Variants in LRRC1 observed in about 807,000 individuals in gnomAD.
The protein encoded by LRRC1 is leucine-rich repeat-containing protein 1.
Under a neutral mutation model 69.9 loss-of-function variants are expected in LRRC1, and 28 were observed. The observed-to-expected ratio is 0.40, with a 90% confidence interval of 0.30 to 0.55. The LOEUF (loss-of-function observed/expected upper bound fraction) is 0.55. Ranked by LOEUF, LRRC1 falls within the 20% of genes least tolerant of loss-of-function variation. LRRC1 has a pLI of 0.47. For synonymous variants in LRRC1, 236 were observed against 240.2 expected (o/e 0.98, Z 0.16); for missense variants, 498 against 609.0 (o/e 0.82, Z 1.92).
At position 53,872,508 on chromosome 6, in the gene LRRC1, A is replaced by G. The variant is rs1766921108; in HGVS notation, c.278-6485A>G. The stretch of plus-strand genomic sequence containing the variant: ...TTGTAGTATGGTAATTTACATTTTC[A>G]CTAACAGTGTATAATAATTTCCTTT... On this transcript the variant is annotated intron_variant, in intron 2 of 13. Coordinates refer to ENST00000370888, the MANE Select transcript of LRRC1 (RefSeq NM_018214.5). Among the ~76,000 whole-genome samples, 3 of 152,030 alleles carry G rather than the reference A, an allele frequency of 2.0e-5. No individual in the cohort carries two copies. The South Asian group carries it at 6.2e-4, about 32-fold the overall frequency.
At chr6:53,884,244 C>G (rs1767396123) in intron 4 of LRRC1, 5 of 464,022 alleles carry the variant, frequency 1.1e-5, no homozygotes, top group Admixed American at 3.8e-5. Flanking sequence ...GTGGCTCACA[C>G]CTGTAATGCC....
At chr6:53,900,278 C>A (rs1180484621) in intron 8 of LRRC1, among the ~76,000 whole-genome samples, 2 of 152,030 alleles carry the variant, frequency 1.3e-5, no homozygotes, top group Non-Finnish European at 2.9e-5. Context: ...ACCTCGTGAT[C>A]CGCCCGCCTC....
intron 2 of LRRC1, among the ~76,000 whole-genome samples, chr6:53,875,531 T>C (rs1444787222): frequency 2.0e-5 from 3 of 151,758 alleles, no homozygotes; most frequent in Non-Finnish European, 4.4e-5. Flanking sequence ...GTGATGAGAG[T>C]GTTGGTGGTG....
chr6:53,886,880 GTA>G (rs1767502363), intron 4 of LRRC1, among the ~76,000 whole-genome samples: 2 of 152,194 alleles, frequency 1.3e-5, no homozygotes, highest in African/African-American at 4.8e-5. Context: ...TTAATTTTAT[GTA>G]TATAACTGGT....
intron 1 of LRRC1, among the ~76,000 whole-genome samples, chr6:53,795,991 G>T (rs923068191): frequency 2.0e-5 from 3 of 150,708 alleles, no homozygotes; most frequent in African/African-American, 5.0e-5. Flanking sequence ...TGGCTGCGGG[G>T]GTGGACGCGA....
Position 53,824,054 on chromosome 6 carries a change from G to C in LRRC1, c.160-18056G>C, listed in dbSNP as rs565273228. Among the ~76,000 whole-genome samples the C allele has an allele frequency of 7.9e-5, 12 of 151,820 alleles. No individual in the cohort carries two copies. In the East Asian group the frequency reaches 2.3e-3, roughly 29 times the overall value. On this transcript the variant is annotated intron_variant, in intron 1 of 13. Transcript: ENST00000370888. ...GTGGTAGTTCTGTTTTTAGGTCTTTGAGGAATCGCCATACTCTTTCCCACA... is the reference window on the plus strand; with the variant it reads ...GTGGTAGTTCTGTTTTTAGGTCTTTCAGGAATCGCCATACTCTTTCCCACA...
intron 2 of LRRC1, among the ~76,000 whole-genome samples, chr6:53,860,620 G>C (rs960874563): frequency 6.6e-6 from 1 of 152,060 alleles, no homozygotes; most frequent in African/African-American, 2.4e-5. Context: ...AAAATGAGAA[G>C]GCAGTTAAAT....
intron 11 of LRRC1, among the ~76,000 whole-genome samples, chr6:53,916,462 G>GCT (rs1383654874): frequency 3.9e-5 from 6 of 152,208 alleles, no homozygotes; most frequent in Middle Eastern, 3.4e-3. Flanking sequence ...AAGATACTGA[G>GCT]TGAAAAGGGA....
chr6:53,798,777 T>C (rs1331566165), intron 1 of LRRC1, among the ~76,000 whole-genome samples: 1 of 152,266 alleles, frequency 6.6e-6, no homozygotes, highest in African/African-American at 2.4e-5. Flanking sequence ...CCGAATCTTA[T>C]AAAAATCTTC....
chr6:53,870,167 A>G (rs1387506227), intron 2 of LRRC1, among the ~76,000 whole-genome samples: 2 of 151,992 alleles, frequency 1.3e-5, no homozygotes, highest in East Asian at 1.9e-4. Flanking sequence ...TTCTCTGGCA[A>G]TTGTTTTTGT....
At chr6:53,889,413 T>C (rs1360108559) in intron 4 of LRRC1, among the ~76,000 whole-genome samples, 3 of 152,104 alleles carry the variant, frequency 2.0e-5, no homozygotes, top group Non-Finnish European at 4.4e-5. Context: ...TTATTTATAA[T>C]AAAAAGGTAG....
intron 2 of LRRC1, among the ~76,000 whole-genome samples, chr6:53,875,142 C>G (rs903648621): frequency 8.5e-5 from 13 of 152,128 alleles, no homozygotes; most frequent in African/African-American, 3.1e-4. Context: ...ATTTTTCAAG[C>G]TCTGTAGAGA....
chr6:53,878,902 A>T (rs1767166649), intron 2 of LRRC1, 91 bp from the exon 3 acceptor site: 1 of 704,066 alleles, frequency 1.4e-6, no homozygotes, highest in African/African-American at 1.8e-5. Context: ...AGGAATTTCC[A>T]GATATTCTCT....
At chr6:53,898,213 A>G (rs1180349567) in intron 7 of LRRC1, among the ~76,000 whole-genome samples, 1 of 152,326 alleles carries the variant, frequency 6.6e-6, no homozygotes, top group Non-Finnish European at 1.5e-5. Flanking sequence ...CCTAATGACT[A>G]ATGGAACTAA....
At chr6:53,817,525 C>A (rs1764985826) in intron 1 of LRRC1, among the ~76,000 whole-genome samples, 1 of 152,026 alleles carries the variant, frequency 6.6e-6, no homozygotes, top group Admixed American at 6.6e-5. Context: ...GTGCAACTGA[C>A]CTAAAAAAAT....
intron 2 of LRRC1, among the ~76,000 whole-genome samples, chr6:53,850,498 A>T (rs1268633719): frequency 1.3e-5 from 2 of 152,216 alleles, no homozygotes; most frequent in Non-Finnish European, 2.9e-5. Flanking sequence ...TGAACTATTC[A>T]CTGAAAATTT....
At chr6:53,824,340 T>C (rs1283092648) in intron 1 of LRRC1, among the ~76,000 whole-genome samples, 1 of 152,186 alleles carries the variant, frequency 6.6e-6, no homozygotes, top group Non-Finnish European at 1.5e-5. Context: ...AATGGTGTTT[T>C]TTTTTGTTTG....
intron 2 of LRRC1, among the ~76,000 whole-genome samples, chr6:53,852,943 G>A (rs1766185596): frequency 6.6e-6 from 1 of 152,124 alleles, no homozygotes. Flanking sequence ...TCACAGTTCT[G>A]GAGGCTGGGA....
rs893464617 is a variant in LRRC1 at position 53,899,818 on chromosome 6, A to G, written c.714A>G (p.Glu238=). The change falls in exon 8 of 14, where the codon GAA becomes GAG. Residue 238 remains glutamate, a synonymous_variant. Transcript: ENST00000370888. ...ACAGGTTGGAAAGACTTCCTGAAGA[A>G]ATCAGTGGCCTGACTTCATTAACGG... ...SENRLERLPE[E]ISGLTSLTDL... The G allele has an allele frequency of 1.2e-6, 2 of 1,614,120 alleles. No individual in the cohort carries two copies. The highest frequency in any genetic ancestry group is 1.7e-6 in the Non-Finnish European group (2 of 1,179,974).
Sources: allele counts gnomAD v4.1 joint callset (sites outside exome capture counted in the v4.1 genomes callset), GRCh38; gene constraint gnomAD v4.1.1; transcripts MANE v1.5; gene names NCBI Gene and HGNC (gene_info 2026-07-23, HGNC 2026-07-21).